Variants in KSR2 observed in about 807,000 individuals in gnomAD.
KSR2 encodes kinase suppressor of ras 2.
Under a neutral mutation model 107.8 loss-of-function variants are expected in KSR2, and 25 were observed. The ratio of observed to expected loss-of-function variants is 0.23; its 90% CI spans 0.17 to 0.32. The LOEUF (loss-of-function observed/expected upper bound fraction) is 0.32, where lower values mean the gene tolerates loss of function less well. KSR2 is among the 10% of genes least tolerant of loss of function. The pLI, the probability that KSR2 is intolerant of heterozygous loss-of-function variation, is 1.00. For missense variants in KSR2, 887 were observed against 1,268.9 expected, an observed-to-expected ratio of 0.70 and a Z score of 4.57; for synonymous variants, 480 against 507.0, an observed-to-expected ratio of 0.95 and a Z score of 0.71.
chr12:117,478,179 AT>A (rs1871913231), intron 16 of KSR2, among the ~76,000 whole-genome samples: 1 of 152,162 alleles, frequency 6.6e-6, no homozygotes, highest in Admixed American at 6.6e-5. Context: ...GGCTAGCTAG[AT>A]TCTTCCAGAG....
At chr12:117,496,025 GCC>G (rs1565872293) in intron 14 of KSR2, among the ~76,000 whole-genome samples, 3 of 142,182 alleles carry the variant, frequency 2.1e-5, no homozygotes, top group Non-Finnish European at 4.5e-5. Flanking sequence ...TGGCACTCCA[GCC>G]TGGCAACAGA....
intron 10 of KSR2, among the ~76,000 whole-genome samples, chr12:117,537,968 T>C (rs967519273): frequency 6.6e-6 from 1 of 152,180 alleles, no homozygotes; most frequent in Non-Finnish European, 1.5e-5. Flanking sequence ...TCCCCATCCC[T>C]TGGTCCATAA....
chr12:117,868,652 G>A (rs993099951), intron 1 of KSR2, among the ~76,000 whole-genome samples: 3 of 152,014 alleles, frequency 2.0e-5, no homozygotes, highest in Non-Finnish European at 4.4e-5. Context: ...GTGCAGAGCC[G>A]AGATTCAAAC....
intron 4 of KSR2, among the ~76,000 whole-genome samples, chr12:117,693,962 G>A (rs1233694906): frequency 6.6e-6 from 1 of 152,088 alleles, no homozygotes; most frequent in Non-Finnish European, 1.5e-5. Flanking sequence ...ATATTCTTTG[G>A]TCTACAACAC....
intron 1 of KSR2, among the ~76,000 whole-genome samples, chr12:117,943,031 G>A (rs1211246069): frequency 1.3e-5 from 2 of 152,026 alleles, no homozygotes; most frequent in South Asian, 2.1e-4. Flanking sequence ...AACTTTTCAG[G>A]GGAAATGAGG....
chr12:117,535,681 GA>G (rs1371054342), intron 10 of KSR2, among the ~76,000 whole-genome samples: 1 of 151,462 alleles, frequency 6.6e-6, no homozygotes, highest in African/African-American at 2.4e-5. Flanking sequence ...TCCAAAGACA[GA>G]AGGTATTTGG....
At chr12:117,696,214 G>A (rs954071820) in intron 4 of KSR2, among the ~76,000 whole-genome samples, 1 of 152,170 alleles carries the variant, frequency 6.6e-6, no homozygotes, top group Non-Finnish European at 1.5e-5. Flanking sequence ...ACTCCAGGGA[G>A]GCTGCTGGGC....
intron 1 of KSR2, among the ~76,000 whole-genome samples, chr12:117,887,274 T>C (rs1170276603): frequency 6.6e-6 from 1 of 152,062 alleles, no homozygotes; most frequent in African/African-American, 2.4e-5. Flanking sequence ...TTTTGTTTCA[T>C]TTTGTTTTGT....
intron 3 of KSR2, among the ~76,000 whole-genome samples, chr12:117,824,172 T>A (rs1891656548): frequency 6.6e-6 from 1 of 151,852 alleles, no homozygotes; most frequent in African/African-American, 2.4e-5. Flanking sequence ...CATCACATAT[T>A]CTTACTCCTA....
At chr12:117,576,034 C>T (rs1879265799) in intron 7 of KSR2, among the ~76,000 whole-genome samples, 1 of 152,192 alleles carries the variant, frequency 6.6e-6, no homozygotes, top group South Asian at 2.1e-4. Flanking sequence ...CACCCTATCC[C>T]TATCCTTCCC....
At chr12:117,753,196 C>T (rs1593200444) in intron 4 of KSR2, among the ~76,000 whole-genome samples, 1 of 152,214 alleles carries the variant, frequency 6.6e-6, no homozygotes, top group African/African-American at 2.4e-5. Flanking sequence ...TCTATTATGG[C>T]TCCTTTGGGA....
chr12:117,501,515 C>T (rs1047630608), intron 14 of KSR2, among the ~76,000 whole-genome samples: 2 of 152,152 alleles, frequency 1.3e-5, no homozygotes, highest in African/African-American at 2.4e-5. Context: ...TATGCATGTG[C>T]TGAGCTAACA....
chr12:117,601,641 C>T (rs1309516929), intron 5 of KSR2, among the ~76,000 whole-genome samples: 1 of 152,050 alleles, frequency 6.6e-6, no homozygotes, highest in Non-Finnish European at 1.5e-5. Flanking sequence ...GGACCCCCCC[C>T]TAGAGCCTTC....
chr12:117,689,755 T>G (rs993670257), intron 4 of KSR2, among the ~76,000 whole-genome samples: 1 of 151,992 alleles, frequency 6.6e-6, no homozygotes, highest in South Asian at 2.1e-4. Flanking sequence ...TATGTATACA[T>G]GCATTTATAT....
rs776448792 is a variant in KSR2 at position 117,539,787 on chromosome 12, G to A, written c.1619C>T (p.Ala540Val). Reference protein sequence around the residue: ...SSPAPPLPPSATPPSPLHPSP... With the variant: ...SSPAPPLPPSVTPPSPLHPSP... ...AGGGTGTAGGGGAGAAGGCGGCGTG[G>A]CACTAGGAGGGAGGGGGGGTGCTGG... The change falls in exon 10 of 20, where the codon GCC becomes GTC. Residue 540 changes from alanine (A) to valine (V), a missense_variant. Ala to Val is a moderately conservative substitution (Grantham distance 64). Around this residue, in one of 8 missense-constraint regions of KSR2, gnomAD observed 50 missense variants for 43.4 expected, o/e 1.15. Coordinates refer to ENST00000339824, the MANE Select transcript of KSR2 (RefSeq NM_173598.6). 10 of 1,607,494 alleles carry A rather than the reference G, an allele frequency of 6.2e-6. No homozygotes were observed. In the Admixed American group the frequency reaches 1.7e-4, roughly 27 times the overall value.
At chr12:117,582,131 C>T (rs1244536277) in intron 6 of KSR2, among the ~76,000 whole-genome samples, 159 bp downstream of exon 6, 1 of 152,176 alleles carries the variant, frequency 6.6e-6, no homozygotes, top group Non-Finnish European at 1.5e-5. Flanking sequence ...CTCCTGGTTG[C>T]CACTTTAAAG....
intron 1 of KSR2, among the ~76,000 whole-genome samples, chr12:117,966,272 C>T (rs1896783040): frequency 6.6e-6 from 1 of 152,138 alleles, no homozygotes; most frequent in Non-Finnish European, 1.5e-5. Context: ...TTTGGGACTC[C>T]TGATTCAGAG....
chr12:117,637,433 A>G (rs1883147148), intron 5 of KSR2, among the ~76,000 whole-genome samples: 1 of 152,174 alleles, frequency 6.6e-6, no homozygotes, highest in Non-Finnish European at 1.5e-5. Context: ...CCCTACCACA[A>G]AGAATTATCC....
intron 4 of KSR2, among the ~76,000 whole-genome samples, chr12:117,735,773 A>G (rs1887914234): frequency 6.6e-6 from 1 of 152,116 alleles, no homozygotes; most frequent in South Asian, 2.1e-4. Flanking sequence ...TAGTTAAGAA[A>G]TACGCTTAAC....
Sources: gnomAD v4.1 joint callset for allele counts (sites outside exome capture counted in the v4.1 genomes callset) on GRCh38, gnomAD v4.1.1 for gene constraint, gnomAD v4.1.1 regional missense constraint, MANE v1.5 for transcripts, NCBI Gene and HGNC (gene_info 2026-07-23, HGNC 2026-07-21) for gene names.